Variants in ULK4 observed in about 807,000 individuals in gnomAD.
ULK4 encodes inactive serine/threonine-protein kinase ULK4.
A neutral mutation model predicts 160.6 loss-of-function variants in ULK4; 133 were observed. That is an observed-to-expected ratio of 0.83 (90% CI 0.72 to 0.96). ULK4 has a LOEUF of 0.96. Ranked by LOEUF, ULK4 falls within the 40% of genes least tolerant of loss-of-function variation. ULK4 has a pLI of 0.00. For synonymous variants in ULK4, 534 were observed against 539.8 expected, an observed-to-expected ratio of 0.99 and a Z score of 0.15; for missense variants, 1,580 against 1,499.5, an observed-to-expected ratio of 1.05 and a Z score of -0.89.
chr3:41,594,418 C>T (rs1345724405), intron 31 of ULK4, among the ~76,000 whole-genome samples: 1 of 152,000 alleles, frequency 6.6e-6, no homozygotes, highest in Non-Finnish European at 1.5e-5. Context: ...CACGTGCCTA[C>T]AGTTCCAGCT....
intron 32 of ULK4, among the ~76,000 whole-genome samples, chr3:41,548,847 G>A (rs187636491): frequency 4.8e-4 from 73 of 152,174 alleles, no homozygotes; most frequent in Non-Finnish European, 8.5e-4. Context: ...CAGCCTGGGT[G>A]GCATCTCCAT....
At chr3:41,490,574 C>T (rs145159070) in intron 32 of ULK4, among the ~76,000 whole-genome samples, 223 of 152,314 alleles carry the variant, frequency 1.5e-3, no homozygotes, top group African/African-American at 5.1e-3. Flanking sequence ...TCATCATATA[C>T]TGCTTTTTAT....
At chr3:41,826,933 A>C (rs901970867) in intron 18 of ULK4, among the ~76,000 whole-genome samples, 2 of 142,752 alleles carry the variant, frequency 1.4e-5, no homozygotes, top group Admixed American at 1.4e-4. Context: ...AGCAAATGTA[A>C]AAGAACAGAA....
intron 30 of ULK4, among the ~76,000 whole-genome samples, chr3:41,631,895 T>C (rs535398545): frequency 6.6e-6 from 1 of 152,294 alleles, no homozygotes; most frequent in Non-Finnish European, 1.5e-5. Flanking sequence ...TACATCATGG[T>C]CTGTAATGCT....
chr3:41,708,986 T>C lies in ULK4; in HGVS notation c.2635-3681A>G, dbSNP rs534932988. The stretch of plus-strand genomic sequence containing the variant: ...AATACAAATCTATGGATACAGAAGG[T>C]CTCAACCATATTTATTTGTGTATGT... On this transcript the variant is annotated intron_variant, in intron 25 of 36. Coordinates refer to ENST00000301831, the MANE Select transcript of ULK4 (RefSeq NM_017886.4). Among the ~76,000 whole-genome samples, 15 of 152,300 alleles carry C rather than the reference T, an allele frequency of 9.8e-5. No individual in the cohort carries two copies. In the South Asian group the frequency reaches 2.5e-3, roughly 25 times the overall value.
chr3:41,838,996 T>C (rs2041835929), intron 17 of ULK4, among the ~76,000 whole-genome samples: 2 of 152,162 alleles, frequency 1.3e-5, no homozygotes, highest in South Asian at 2.1e-4. Flanking sequence ...GTTTTCAAGA[T>C]CTATTGCACA....
chr3:41,319,330 G>C (rs2080205965), intron 35 of ULK4, among the ~76,000 whole-genome samples: 1 of 152,132 alleles, frequency 6.6e-6, no homozygotes, highest in South Asian at 2.1e-4. Flanking sequence ...AGAGCTGTTA[G>C]GATGCCTTGT....
chr3:41,733,220 A>G (rs1417903893), intron 22 of ULK4, among the ~76,000 whole-genome samples: 1 of 152,142 alleles, frequency 6.6e-6, no homozygotes, highest in Non-Finnish European at 1.5e-5. Context: ...TGTACCCCAT[A>G]AATATGTACA....
At chr3:41,792,835 A>G (rs999515140) in intron 20 of ULK4, among the ~76,000 whole-genome samples, 3 of 152,238 alleles carry the variant, frequency 2.0e-5, no homozygotes, top group African/African-American at 7.2e-5. Flanking sequence ...AAGAAATCAA[A>G]TCAAATCTGA....
intron 1 of ULK4, among the ~76,000 whole-genome samples, chr3:41,958,837 T>C (rs1450498314): frequency 1.3e-5 from 2 of 152,174 alleles, no homozygotes; most frequent in African/African-American, 2.4e-5. Context: ...TTACAGACCT[T>C]ATGGTTTCTG....
intron 32 of ULK4, among the ~76,000 whole-genome samples, chr3:41,522,440 C>A (rs1371684762): frequency 6.6e-6 from 1 of 151,932 alleles, no homozygotes; most frequent in Non-Finnish European, 1.5e-5. Flanking sequence ...ACATGCCTGG[C>A]CAAATGTCTT....
chr3:41,502,370 T>C (rs1209604881), intron 32 of ULK4, among the ~76,000 whole-genome samples: 3 of 152,248 alleles, frequency 2.0e-5, no homozygotes, highest in Non-Finnish European at 4.4e-5. Flanking sequence ...ATCTTTTATC[T>C]TTTAAATAAC....
rs141174011 is a variant in ULK4, at chr3:41,488,118, T to A, written c.3227-24865A>T. ...AAGGCATAGAATTACATCTATGACA[T>A]AAAATATGGACAACCGAGTTAGAGA... is the stretch of plus-strand genomic sequence containing the variant. On this transcript the variant is annotated intron_variant, in intron 32 of 36. Transcript: ENST00000301831. Among the ~76,000 whole-genome samples, 51 of 152,336 alleles carry A rather than the reference T, an allele frequency of 3.3e-4. No homozygotes were observed. The East Asian group carries it at 9.6e-3, about 29-fold the overall frequency.
chr3:41,785,461 G>C (rs1024099239), intron 21 of ULK4, among the ~76,000 whole-genome samples: 1 of 152,116 alleles, frequency 6.6e-6, no homozygotes, highest in African/African-American at 2.4e-5. Flanking sequence ...TTCTTCTTTA[G>C]AGTCTTCTAA....
intron 32 of ULK4, among the ~76,000 whole-genome samples, chr3:41,473,661 C>CAA (rs1294599838): frequency 0.011 from 248 of 22,894 alleles, 10 homozygotes; most frequent in Middle Eastern, 0.025. Context: ...GATTCTGTCT[C>CAA]AAAGAAAAAA....
At chr3:41,431,086 A>G (rs976586741) in intron 34 of ULK4, among the ~76,000 whole-genome samples, 1 of 152,206 alleles carries the variant, frequency 6.6e-6, no homozygotes, top group African/African-American at 2.4e-5. Flanking sequence ...GCGGTGGCGC[A>G]CGCTGGTAAT....
chr3:41,913,012 G>T, intron 8 of ULK4, 113 bp from the exon 9 acceptor site: 6 of 792,894 alleles, frequency 7.6e-6, no homozygotes, highest in South Asian at 1.8e-5. Flanking sequence ...ATGTACCTTT[G>T]AAATCATTTT....
intron 5 of ULK4, among the ~76,000 whole-genome samples, chr3:41,926,482 C>G (rs566910606): frequency 6.6e-6 from 1 of 152,254 alleles, no homozygotes; most frequent in Admixed American, 6.5e-5. Flanking sequence ...AGGAACAAAA[C>G]TGGATGGAGA....
intron 21 of ULK4, among the ~76,000 whole-genome samples, chr3:41,785,652 T>C (rs1357644338): frequency 6.6e-6 from 1 of 152,216 alleles, no homozygotes; most frequent in East Asian, 1.9e-4. Flanking sequence ...CCTGGGTCTC[T>C]TCCTCTTCCA....
Sources: allele counts gnomAD v4.1 joint callset (sites outside exome capture counted in the v4.1 genomes callset), GRCh38; gene constraint gnomAD v4.1.1; transcripts MANE v1.5; gene names NCBI Gene and HGNC (gene_info 2026-07-23, HGNC 2026-07-21).